The following HSP90AA1 variants were observed in gnomAD, a reference collection of about 807,000 sequenced individuals.
The protein encoded by HSP90AA1 is heat shock protein 90 alpha family class A member 1.
A neutral mutation model predicts 73.3 loss-of-function variants in HSP90AA1; 18 were observed. The ratio of observed to expected loss-of-function variants is 0.25; its 90% CI spans 0.17 to 0.36. The LOEUF is 0.36. Among genes scored for constraint, HSP90AA1 ranks in the 10% least tolerant of loss-of-function variants. The probability of loss-of-function intolerance (pLI) is 1.00; values close to 1 mark genes in which losing one functional copy is unlikely to be tolerated. For missense variants in HSP90AA1, 704 were observed against 874.2 expected (o/e 0.81, Z 2.45); for synonymous variants, 477 against 296.9 (o/e 1.61, Z -6.24).
intron 1 of HSP90AA1, among the ~76,000 whole-genome samples, chr14:102,135,528 GGTGGTCGATGGGACTGGGCGCC>G (rs2049979306): frequency 6.6e-6 from 1 of 152,400 alleles, no homozygotes; most frequent in Admixed American, 6.5e-5. Context: ...TCAGCCCTTG[GGTGGTCGATGGGACTGGGCGCC>G]GTGGAGCAGG....
At chr14:102,082,754 A>G (rs1411221591) in intron 9 of HSP90AA1, 2 of 495,298 alleles carry the variant, frequency 4.0e-6, no homozygotes, top group Admixed American at 6.6e-5. Context: ...CCAAGTGGCT[A>G]GGATTACAGG....
intron 1 of HSP90AA1, among the ~76,000 whole-genome samples, chr14:102,116,846 G>T (rs944591062): frequency 6.6e-6 from 1 of 152,158 alleles, no homozygotes; most frequent in Non-Finnish European, 1.5e-5. Context: ...TGAGGACCTG[G>T]AGCCCCTGCC....
In HSP90AA1 at chr14:102,081,526, C is replaced by G. The variant is rs538361947; in HGVS notation, c.*186G>C. Reference sequence around the variant, plus strand: ...CATGAAACTCAAAAAGCATTACTAGCTCTGCTTTAGTGCCTAAGGTATCAC... The same window carrying G: ...CATGAAACTCAAAAAGCATTACTAGGTCTGCTTTAGTGCCTAAGGTATCAC... On this transcript the variant is annotated 3_prime_UTR_variant, in exon 11 of 11. Transcript: ENST00000216281. 1.6e-6 allele frequency: 1 copy of G among 611,516 alleles called. No individual in the cohort carries two copies. Among genetic ancestry groups the G allele is most frequent in the East Asian group, 2.7e-5 (1 of 36,460 alleles). 37.9% of individuals were successfully genotyped at this position (611,516 alleles called of 1,614,324 possible). A position where few individuals can be genotyped will look rare whatever the true frequency, so the allele number is the denominator to read the frequency against.
chr14:102,085,490 C>T (rs957394371), intron 3 of HSP90AA1, 59 bp from the exon 4 acceptor site: 41 of 1,474,348 alleles, frequency 2.8e-5, no homozygotes, highest in Middle Eastern at 1.7e-4. Flanking sequence ...CAACGCCATG[C>T]CTAACACCCT....
chr14:102,124,019 A>G (rs1455572160), intron 1 of HSP90AA1, among the ~76,000 whole-genome samples: 1 of 151,912 alleles, frequency 6.6e-6, no homozygotes. Context: ...CAGGCTCCTC[A>G]TGAACTCCTG....
chr14:102,101,744 G>T, intron 2 of HSP90AA1: 1 of 750,818 alleles, frequency 1.3e-6, no homozygotes, highest in South Asian at 1.6e-5. Flanking sequence ...GGATGGGTAG[G>T]CAGGGAATAA....
intron 1 of HSP90AA1, among the ~76,000 whole-genome samples, chr14:102,127,555 T>C (rs1321034126): frequency 6.6e-6 from 1 of 152,152 alleles, no homozygotes; most frequent in African/African-American, 2.4e-5. Flanking sequence ...CACATGGAGT[T>C]ATATTTATTT....
At chr14:102,091,106 C>T (rs145846796), upstream of HSP90AA1, among the ~76,000 whole-genome samples, 427 of 152,320 alleles carry the variant, frequency 2.8e-3, 3 homozygotes, top group African/African-American at 9.1e-3. Flanking sequence ...TAGCCTACCC[C>T]ATAGCAATTT....
rs146487565 is a variant in HSP90AA1 at position 102,081,479 on chromosome 14, C to T, written c.*233G>A. On this transcript the variant is annotated 3_prime_UTR_variant, in exon 11 of 11. Coordinates refer to ENST00000216281, the MANE Select transcript of HSP90AA1 (RefSeq NM_005348.4). ...CATACGTCTTACAGTGCACGTTACC[C>T]CAATCTGTGAAAATAAACCAACATG... The T allele has an allele frequency of 3.5e-3, 2,033 of 583,884 alleles. 32 individuals are homozygous for T. The highest frequency in any genetic ancestry group is 0.034 in the African/African-American group (1,811 of 53,690). The allele number at this position is 583,884 out of a possible 1,614,324, so 36.2% of individuals were successfully genotyped here. A position where few individuals can be genotyped will look rare whatever the true frequency, so the allele number is the denominator to read the frequency against.
chr14:102,088,750 C>T (rs530134253), upstream of HSP90AA1, among the ~76,000 whole-genome samples: 55 of 152,274 alleles, frequency 3.6e-4, no homozygotes, highest in African/African-American at 1.3e-3. Context: ...TGGCGACTGC[C>T]GCCTTTGCCT....
At chr14:102,118,096 G>A (rs1368378320) in intron 1 of HSP90AA1, among the ~76,000 whole-genome samples, 1 of 152,178 alleles carries the variant, frequency 6.6e-6, no homozygotes, top group Non-Finnish European at 1.5e-5. Flanking sequence ...CTCCATGCCT[G>A]ACTTACAGAC....
chr14:102,085,065 T>G, intron 4 of HSP90AA1, 67 bp from the exon 5 acceptor site: 1 of 1,611,380 alleles, frequency 6.2e-7, no homozygotes, highest in South Asian at 1.1e-5. Flanking sequence ...GCTGCACCAC[T>G]ATTTTCAACC....
chr14:102,106,953 G>T (rs2049576972), intron 1 of HSP90AA1, among the ~76,000 whole-genome samples: 2 of 151,968 alleles, frequency 1.3e-5, no homozygotes, highest in African/African-American at 4.8e-5. Flanking sequence ...CAGGAGGACT[G>T]TGCTGTAATT....
intron 1 of HSP90AA1, among the ~76,000 whole-genome samples, chr14:102,120,188 A>G (rs1258721906): frequency 6.6e-6 from 1 of 151,992 alleles, no homozygotes; most frequent in Non-Finnish European, 1.5e-5. Context: ...ACACAGTGGG[A>G]CCCCATCTCT....
At chr14:102,129,732 T>A (rs2049884616) in intron 1 of HSP90AA1, among the ~76,000 whole-genome samples, 1 of 151,918 alleles carries the variant, frequency 6.6e-6, no homozygotes, top group Non-Finnish European at 1.5e-5. Flanking sequence ...CTCGAACCCC[T>A]GACCATGTGA....
At chr14:102,103,643 A>G (rs2049525194) in intron 1 of HSP90AA1, among the ~76,000 whole-genome samples, 1 of 151,914 alleles carries the variant, frequency 6.6e-6, no homozygotes, top group Admixed American at 6.6e-5. Flanking sequence ...GTCTCTACTA[A>G]AATACAAAAA....
At chr14:102,085,117 C>T in intron 4 of HSP90AA1, 119 bp from the exon 5 acceptor site, 1 of 1,551,044 alleles carries the variant, frequency 6.4e-7, no homozygotes, top group South Asian at 1.1e-5. Context: ...AAGCACCCAG[C>T]TTTTCATCAA....
At position 102,123,818 on chromosome 14, in the gene HSP90AA1, G is replaced by C. The variant is rs540544217; in HGVS notation, c.155+15432C>G. Among the ~76,000 whole-genome samples, 3 of 152,090 alleles carry C rather than the reference G, an allele frequency of 2.0e-5. No individual in the cohort carries two copies. In the East Asian group the frequency reaches 5.8e-4, roughly 29 times the overall value. On this transcript the variant is annotated intron_variant, in intron 1 of 11. Transcript: ENST00000334701. ...ACTAGCAACCGTGTTTTTTTTAATT[G>C]AGACAGGGTCTCATTCTGCCAACCT...
chr14:102,136,605 G>A lies in HSP90AA1; in HGVS notation c.155+2645C>T, dbSNP rs142324307. Among the ~76,000 whole-genome samples the A allele has an allele frequency of 4.8e-3, 717 of 148,400 alleles. 4 individuals carry two copies. Among genetic ancestry groups the A allele is most frequent in the African/African-American group, 0.017 (680 of 40,542 alleles). On this transcript the variant is annotated intron_variant, in intron 1 of 11. Transcript: ENST00000334701. ...AAAAAAAAAAAGAAATACCCGGTTTGGGCCGGGCGCGGTGGCTCACGCCTA... is the reference window on the plus strand; with the variant it reads ...AAAAAAAAAAAGAAATACCCGGTTTAGGCCGGGCGCGGTGGCTCACGCCTA...
Sources: allele counts gnomAD v4.1 joint callset (sites outside exome capture counted in the v4.1 genomes callset), GRCh38; gene constraint gnomAD v4.1.1; transcripts MANE v1.5; gene names NCBI Gene and HGNC (gene_info 2026-07-23, HGNC 2026-07-21).